PDE6C: variants seen among roughly 807,000 people sequenced by gnomAD.
The protein encoded by PDE6C is cone cGMP-specific 3',5'-cyclic phosphodiesterase subunit alpha'.
PDE6C carries 75 observed loss-of-function variants against 113.1 expected under a neutral mutation model. That is an observed-to-expected ratio of 0.66 (90% confidence interval 0.55 to 0.80). The LOEUF is 0.80. Among genes scored for constraint, PDE6C ranks in the 30% least tolerant of loss-of-function variants. The pLI is 0.00. For missense variants in PDE6C, 912 were observed against 1,038.6 expected, an observed-to-expected ratio of 0.88 and a Z score of 1.67; for synonymous variants, 375 against 363.7, an observed-to-expected ratio of 1.03 and a Z score of -0.35.
intron 15 of PDE6C, among the ~76,000 whole-genome samples, chr10:93,646,611 G>T (rs2058585591): frequency 6.6e-6 from 1 of 152,146 alleles, no homozygotes; most frequent in African/African-American, 2.4e-5. Context: ...AATCATGGTG[G>T]AAGCTGAAGG....
At chr10:93,619,706 A>G (rs1223307) in intron 1 of PDE6C, among the ~76,000 whole-genome samples, 112,685 of 152,156 alleles carry the variant, frequency 0.74, 42,377 homozygotes, top group African/African-American at 0.84. Context: ...GATTACAGGC[A>G]TGAACCACCC....
At position 93,661,266 on chromosome 10, in the gene PDE6C, T is replaced by C. The variant is rs149917987; in HGVS notation, c.2209-793T>C. ...CCATCACCTTCTCCCATGTCATTGC[T>C]TCACACTCTAAGCCTGCACTCACAG... On this transcript the variant is annotated intron_variant, in intron 18 of 21. Transcript: ENST00000371447. Among the ~76,000 whole-genome samples the C allele has an allele frequency of 3.5e-3, 538 of 152,306 alleles. 3 individuals are homozygous for C. The highest frequency in any genetic ancestry group is 2.6e-3 in the Non-Finnish European group (177 of 68,040).
At chr10:93,657,579 A>G (rs1477098335) in intron 16 of PDE6C, among the ~76,000 whole-genome samples, 1 of 152,066 alleles carries the variant, frequency 6.6e-6, no homozygotes, top group Non-Finnish European at 1.5e-5. Flanking sequence ...TGTTTCAAAG[A>G]TTTATCATTG....
At chr10:93,614,057 A>G (rs1006831240) in intron 1 of PDE6C, among the ~76,000 whole-genome samples, 1 of 152,222 alleles carries the variant, frequency 6.6e-6, no homozygotes, top group African/African-American at 2.4e-5. Context: ...TCCCCTCAGC[A>G]ATAATCAAGG....
At chr10:93,647,663 G>A (rs1041151563) in intron 15 of PDE6C, among the ~76,000 whole-genome samples, 11 of 152,088 alleles carry the variant, frequency 7.2e-5, no homozygotes, top group Non-Finnish European at 1.2e-4. Context: ...TTAACAGGGC[G>A]GGGGCAGACA....
chr10:93,621,925 CT>C lies in PDE6C; in HGVS notation c.724-4del. 1 of 1,613,248 alleles carries C rather than the reference CT, an allele frequency of 6.2e-7. No individual in the cohort carries two copies. The highest frequency in any genetic ancestry group is 8.5e-7 in the Non-Finnish European group (1 of 1,179,700). ...CTAACTGTTTTCTTTTTGATACCTA[CT>C]TTCAGATCCTTATGTGGTCAGCCAA... On this transcript the variant is annotated splice_region_variant and splice_polypyrimidine_tract_variant and intron_variant, in intron 3 of 21. Coordinates refer to ENST00000371447, the MANE Select transcript of PDE6C (RefSeq NM_006204.4).
chr10:93,640,991 T>C lies in PDE6C; in HGVS notation c.1809T>C (p.Asp603=), dbSNP rs1265984836. ...TGCTTGCTGCTGCTTTCTGCCATGA[T>C]ATTGACCACAGAGGCACCAATAATT... The part of the protein sequence containing the change: ...FAMLAAAFCH[D]IDHRGTNNLY... The change falls in exon 14 of 22, where the codon GAT becomes GAC. Residue 603 remains aspartate (D), a synonymous_variant. Coordinates refer to ENST00000371447, the MANE Select transcript of PDE6C (RefSeq NM_006204.4). 2.5e-6 allele frequency: 4 copies of C among 1,612,320 alleles called. No homozygotes were observed. Among genetic ancestry groups the C allele is most frequent in the Non-Finnish European group, 3.4e-6 (4 of 1,178,486 alleles).
chr10:93,662,297 T>G (rs1259686810), intron 19 of PDE6C, among the ~76,000 whole-genome samples, 164 bp downstream of exon 19: 1 of 151,930 alleles, frequency 6.6e-6, no homozygotes, highest in Non-Finnish European at 1.5e-5. Context: ...ACCCCGTTTC[T>G]ACTAAAAATA....
In PDE6C at chr10:93,612,814, T is replaced by G; in HGVS notation, c.89T>G (p.Val30Gly). The G allele has an allele frequency of 6.2e-7, 1 of 1,613,906 alleles. No homozygotes were observed. Among genetic ancestry groups the G allele is most frequent in the Non-Finnish European group, 8.5e-7 (1 of 1,179,990 alleles). Residue 30 changes from valine (V) to glycine (G), a missense_variant, in exon 1 of 22, where the codon GTG becomes GGG. By Grantham distance (109) the Val-to-Gly change is moderately radical (BLOSUM62 -3). Coordinates refer to ENST00000371447, the MANE Select transcript of PDE6C (RefSeq NM_006204.4). ...GAGTACTTTGACAGGAAGTTGCGGG[T>G]GGAGGTGCTGGGAGAAATCTTCAAG... ...AKEYFDRKLR[V>G]EVLGEIFKNS...
chr10:93,648,881 A>G (rs1176496799), intron 15 of PDE6C, among the ~76,000 whole-genome samples: 1 of 152,224 alleles, frequency 6.6e-6, no homozygotes, highest in African/African-American at 2.4e-5. Flanking sequence ...GCTTTTTCAT[A>G]TCAACCGCAT....
In PDE6C at chr10:93,662,532, G is replaced by C. The variant is rs373154272; in HGVS notation, c.2284-28G>C. ...TTTTGTTCATACATCTTAGAAACCT[G>C]TCTTAAAGGATTTATTTCTCTTTCT... On this transcript the variant is annotated intron_variant, in intron 19 of 21. Transcript: ENST00000371447. 10 of 1,001,790 alleles carry C rather than the reference G, an allele frequency of 1.0e-5. No individual in the cohort carries two copies. The African/African-American group carries it at 1.6e-4, about 16-fold the overall frequency. The allele number at this position is 1,001,790 out of a possible 1,614,324, so 62.1% of individuals were successfully genotyped here.
Position 93,626,645 on chromosome 10 carries a change from C to A in PDE6C, c.945C>A (p.Val315=). 1 of 1,533,790 alleles carries A rather than the reference C, an allele frequency of 6.5e-7. No individual in the cohort carries two copies. Among genetic ancestry groups the A allele is most frequent in the Non-Finnish European group, 9.0e-7 (1 of 1,107,430 alleles). Residue 315 remains valine (V), a synonymous_variant, in exon 6 of 22, where the codon GTC becomes GTA. Transcript: ENST00000371447. ...KGPKTPDGRE[V]NFYKIIDYIL... ...ATATCCTCTTTCTTTCTTAGGAAGT[C>A]AACTTTTATAAAATCATTGATTACA...
At position 93,665,576 on chromosome 10, in the gene PDE6C, G is replaced by A. The variant is rs2058686392; in HGVS notation, c.*158G>A. ...ATATATTGCTAGCCCAAAAATCCCA[G>A]GGGCAAAATAAAGTTCAACAAAAGT... On this transcript the variant is annotated 3_prime_UTR_variant, in exon 22 of 22. Coordinates refer to ENST00000371447, the MANE Select transcript of PDE6C (RefSeq NM_006204.4). The A allele has an allele frequency of 1.1e-5, 7 of 618,180 alleles. No individual in the cohort carries two copies. Among genetic ancestry groups the A allele is most frequent in the Non-Finnish European group, 2.0e-5 (7 of 350,256 alleles). 38.3% of individuals were successfully genotyped at this position (618,180 alleles called of 1,614,324 possible).
chr10:93,662,912 T>C (rs1421942277), intron 20 of PDE6C, 116 bp from the exon 21 acceptor site: 2 of 944,772 alleles, frequency 2.1e-6, no homozygotes, highest in Non-Finnish European at 3.3e-6. Context: ...GTGGTTAAAC[T>C]TATCCTAGCA....
chr10:93,643,695 AATT>A (rs1352649089), intron 14 of PDE6C, among the ~76,000 whole-genome samples: 1 of 111,882 alleles, frequency 8.9e-6, no homozygotes, highest in Non-Finnish European at 2.0e-5. Context: ...GTGGCCAACT[AATT>A]CTTTTTTTTT....
chr10:93,638,334 G>A (rs1207733761), intron 11 of PDE6C, among the ~76,000 whole-genome samples: 3 of 151,914 alleles, frequency 2.0e-5, no homozygotes, highest in Non-Finnish European at 4.4e-5. Context: ...CTTTTTTGGG[G>A]CTTACTTCCC....
chr10:93,623,637 A>T (rs970092886), intron 4 of PDE6C, among the ~76,000 whole-genome samples: 6 of 152,122 alleles, frequency 3.9e-5, no homozygotes, highest in African/African-American at 1.4e-4. Flanking sequence ...TTTTTTGTGA[A>T]AGGTACAAGT....
intron 4 of PDE6C, among the ~76,000 whole-genome samples, chr10:93,624,775 G>A (rs2058465748): frequency 6.6e-6 from 1 of 152,174 alleles, no homozygotes; most frequent in African/African-American, 2.4e-5. Flanking sequence ...GGCAGCGCTA[G>A]TACTGGTTGA....
intron 1 of PDE6C, among the ~76,000 whole-genome samples, chr10:93,619,235 G>A (rs1335664200): frequency 2.0e-5 from 3 of 151,902 alleles, no homozygotes; most frequent in African/African-American, 4.8e-5. Context: ...ATTATCTCTC[G>A]AATCTACTCT....
Sources: gnomAD v4.1 joint callset for allele counts (sites outside exome capture counted in the v4.1 genomes callset) on GRCh38, gnomAD v4.1.1 for gene constraint, MANE v1.5 for transcripts, NCBI Gene and HGNC (gene_info 2026-07-23, HGNC 2026-07-21) for gene names.